The following MNDA variants were observed in gnomAD, a reference collection of about 807,000 sequenced individuals.
The protein encoded by MNDA is myeloid cell nuclear differentiation antigen, also known as epididymis secretory sperm binding protein.
A neutral mutation model predicts 37.8 loss-of-function variants in MNDA; 43 were observed. The ratio of observed to expected loss-of-function variants is 1.14; its 90% CI spans 0.89 to 1.47. The LOEUF (loss-of-function observed/expected upper bound fraction) is 1.47, where lower values mean the gene tolerates loss of function less well. Among genes scored for constraint, MNDA ranks in the 40% most tolerant of loss-of-function variants. The probability of loss-of-function intolerance (pLI) is 0.00; values close to 1 mark genes in which losing one functional copy is unlikely to be tolerated. For synonymous variants in MNDA, 181 were observed against 169.0 expected, an observed-to-expected ratio of 1.07 and a Z score of -0.55; for missense variants, 536 against 476.0, an observed-to-expected ratio of 1.13 and a Z score of -1.17.
intron 1 of MNDA, among the ~76,000 whole-genome samples, chr1:158,840,121 C>G (rs1036120386): frequency 2.6e-5 from 4 of 151,860 alleles, no homozygotes; most frequent in African/African-American, 9.7e-5. Flanking sequence ...TGCAAGTGTC[C>G]CAGTAGAGGT....
intron 2 of MNDA, 25 bp downstream of exon 2, chr1:158,842,443 G>A (rs774870679): frequency 3.8e-6 from 6 of 1,590,336 alleles, no homozygotes; most frequent in Non-Finnish European, 4.3e-6. Context: ...CTTGCACATA[G>A]CTACTCTGCC....
At chr1:158,831,838 G>A (rs1658810889) in intron 1 of MNDA, among the ~76,000 whole-genome samples, 1 of 152,080 alleles carries the variant, frequency 6.6e-6, no homozygotes, top group African/African-American at 2.4e-5. Flanking sequence ...GAGATACTTG[G>A]TTTTCTTGGC....
At chr1:158,831,716 A>G (rs968430789) in intron 1 of MNDA, among the ~76,000 whole-genome samples, 159 bp downstream of exon 1, 2 of 152,170 alleles carry the variant, frequency 1.3e-5, no homozygotes, top group Non-Finnish European at 2.9e-5. Flanking sequence ...TAGCAAATGG[A>G]TATCTTTTAT....
At chr1:158,842,033 GACA>G in intron 1 of MNDA, 98 bp from the exon 2 acceptor site, 1 of 979,154 alleles carries the variant, frequency 1.0e-6, no homozygotes, top group Non-Finnish European at 1.5e-6. Flanking sequence ...CGCATCCAAG[GACA>G]ACATTTTGGC....
chr1:158,845,953 T>C lies in MNDA; in HGVS notation c.937T>C (p.Tyr313His). ...ANKTPKISQLYKQASGTMVYG... is the reference protein window; with the variant it reads ...ANKTPKISQLHKQASGTMVYG... ...TAAAACTCCCAAGATCAGTCAACTT[T>C]ACAAGCAAGCATCTGGAACAATGGT... Residue 313 changes from tyrosine (Y) to histidine (H), a missense_variant, in exon 5 of 7, where the codon TAC becomes CAC. Tyr to His is a moderately conservative substitution (Grantham distance 83). Transcript: ENST00000368141. 1 of 1,614,146 alleles carries C rather than the reference T, an allele frequency of 6.2e-7. No homozygotes were observed.
At chr1:158,831,693 T>G (rs982944689) in intron 1 of MNDA, 136 bp downstream of exon 1, 9 of 152,206 alleles carry the variant, frequency 5.9e-5, no homozygotes, top group African/African-American at 2.2e-4. Context: ...ACTGAATGCT[T>G]TAACTGTCTA....
chr1:158,838,059 T>C (rs755535701), intron 1 of MNDA, among the ~76,000 whole-genome samples: 49 of 151,990 alleles, frequency 3.2e-4, no homozygotes, highest in Non-Finnish European at 5.2e-4. Flanking sequence ...CCAATTAACA[T>C]TGATTTATAA....
chr1:158,844,594 C>T (rs1048118305), intron 4 of MNDA, among the ~76,000 whole-genome samples: 1 of 151,118 alleles, frequency 6.6e-6, no homozygotes, highest in Admixed American at 6.6e-5. Context: ...TATACACAGT[C>T]GAGGACATAG....
Position 158,843,366 on chromosome 1 carries a change from CA to C in MNDA, c.355del (p.Arg119GlufsTer4), listed in dbSNP as rs1229623314. ...EVGLAAPAPT[A>X]RNKLTSEARG... ...GGTCTTGCGGCACCTGCACCCACCG[CA>C]AGAAACAAACTGACATCGGAAGCAA... On this transcript the variant is annotated frameshift_variant, in exon 3 of 7. Transcript: ENST00000368141. LOFTEE classifies it high-confidence loss of function. 2 of 1,612,412 alleles carry C rather than the reference CA, an allele frequency of 1.2e-6. No homozygotes were observed. Among genetic ancestry groups the C allele is most frequent in the Non-Finnish European group, 1.7e-6 (2 of 1,179,320 alleles).
At chr1:158,839,174 T>C (rs1658981737) in intron 1 of MNDA, among the ~76,000 whole-genome samples, 1 of 152,118 alleles carries the variant, frequency 6.6e-6, no homozygotes, top group African/African-American at 2.4e-5. Context: ...TGGACATTTG[T>C]AAAAACAGCC....
At chr1:158,847,618 T>C (rs1659160698) in intron 5 of MNDA, 110 bp from the exon 6 acceptor site, 1 of 1,015,902 alleles carries the variant, frequency 9.8e-7, no homozygotes, top group East Asian at 2.6e-5. Context: ...GTATGATCTG[T>C]ACCTGTCATT....
intron 4 of MNDA, among the ~76,000 whole-genome samples, chr1:158,845,265 T>A (rs1571659698): frequency 6.6e-6 from 1 of 152,132 alleles, no homozygotes; most frequent in Non-Finnish European, 1.5e-5. Context: ...TGAGACGGAG[T>A]CTCGCTCTAT....
chr1:158,845,946 T>C lies in MNDA; in HGVS notation c.930T>C (p.Ser310=). 1.2e-6 allele frequency: 2 copies of C among 1,614,128 alleles called. No homozygotes were observed. The highest frequency in any genetic ancestry group is 1.7e-6 in the Non-Finnish European group (2 of 1,180,014). The stretch of plus-strand genomic sequence containing the variant: ...TAGCAAATAAAACTCCCAAGATCAG[T>C]CAACTTTACAAGCAAGCATCTGGAA... The part of the protein sequence containing the change: ...IEIANKTPKI[S]QLYKQASGTM... The change falls in exon 5 of 7, where the codon AGT becomes AGC. Residue 310 remains serine, a synonymous_variant. Transcript: ENST00000368141.
At chr1:158,843,913 T>G in intron 3 of MNDA, 42 bp from the exon 4 acceptor site, 1 of 1,510,268 alleles carries the variant, frequency 6.6e-7, no homozygotes, top group Non-Finnish European at 8.9e-7. Context: ...CTGCTTCTTT[T>G]GATACTAAAC....
Position 158,845,579 on chromosome 1 carries a change from C to T in MNDA, c.571-8C>T. The T allele has an allele frequency of 1.9e-6, 3 of 1,605,082 alleles. No individual in the cohort carries two copies. Among genetic ancestry groups the T allele is most frequent in the Non-Finnish European group, 2.6e-6 (3 of 1,175,958 alleles). ...TTAAGTTTATTTTCTTGTGTCTGCCCAACACAGAATCAGGAAACCCAGGCC... is the reference window on the plus strand; with the variant it reads ...TTAAGTTTATTTTCTTGTGTCTGCCTAACACAGAATCAGGAAACCCAGGCC... On this transcript the variant is annotated splice_polypyrimidine_tract_variant and splice_region_variant and intron_variant, in intron 4 of 6. Transcript: ENST00000368141.
chr1:158,848,486 A>C (rs1659184912), intron 6 of MNDA, among the ~76,000 whole-genome samples: 1 of 152,128 alleles, frequency 6.6e-6, no homozygotes, highest in Non-Finnish European at 1.5e-5. Flanking sequence ...TGTACAACTG[A>C]AATTCAGTAG....
chr1:158,845,219 GTTGT>G (rs137942958), intron 4 of MNDA, among the ~76,000 whole-genome samples: 92,280 of 145,582 alleles, frequency 0.63, 28,540 homozygotes, highest in Admixed American at 0.72. Context: ...AGTTTTTGTT[GTTGT>G]TTGTTTGTTT....
chr1:158,844,200 C>A lies in MNDA; in HGVS notation c.570+78C>A, dbSNP rs186438008. ...ATTCCACTGTTACTATTGTTACTCT[C>A]ATGCATAACTCTTCATATTACTGAT... On this transcript the variant is annotated intron_variant, in intron 4 of 6. Coordinates refer to ENST00000368141, the MANE Select transcript of MNDA (RefSeq NM_002432.3). 2,055 of 1,259,654 alleles carry A rather than the reference C, an allele frequency of 1.6e-3. 49 individuals are homozygous for A. Among genetic ancestry groups the A allele is most frequent in the Non-Finnish European group, 1.1e-4 (100 of 925,752 alleles). The allele number at this position is 1,259,654 out of a possible 1,614,324, so 78.0% of individuals were successfully genotyped here. A position where few individuals can be genotyped will look rare whatever the true frequency, so the allele number is the denominator to read the frequency against.
intron 1 of MNDA, among the ~76,000 whole-genome samples, chr1:158,832,408 T>A (rs545812304): frequency 1.3e-5 from 2 of 152,018 alleles, no homozygotes; most frequent in South Asian, 4.1e-4. Flanking sequence ...ACCTTGTTCT[T>A]TCAGTAACTG....
Sources: allele counts gnomAD v4.1 joint callset (sites outside exome capture counted in the v4.1 genomes callset), GRCh38; gene constraint gnomAD v4.1.1; transcripts MANE v1.5; gene names NCBI Gene and HGNC (gene_info 2026-07-23, HGNC 2026-07-21).